The following CCDC178 variants were observed in gnomAD, a reference collection of about 807,000 sequenced individuals.
CCDC178 encodes the protein coiled-coil domain containing 178.
Under a neutral mutation model 117.4 loss-of-function variants are expected in CCDC178, and 126 were observed. The ratio of observed to expected loss-of-function variants is 1.07; its 90% confidence interval spans 0.93 to 1.24. The LOEUF is 1.24. CCDC178 is among the 50% of genes most tolerant of loss of function. The pLI is 0.00. For synonymous variants in CCDC178, 283 were observed against 313.4 expected (o/e 0.90, Z 1.02); for missense variants, 1,030 against 986.9 (o/e 1.04, Z -0.59).
Position 33,084,121 on chromosome 18 carries a change from G to A in CCDC178, c.2388+8640C>T, listed in dbSNP as rs560606591. On this transcript the variant is annotated intron_variant, in intron 21 of 22. Transcript: ENST00000383096. ...GTCCTTGTGATGCATTGAACTTTTT[G>A]TCATTGTTACAACATGTTCTTGTAG... Among the ~76,000 whole-genome samples, 21 of 149,216 alleles carry A rather than the reference G, an allele frequency of 1.4e-4. No homozygotes were observed. In the South Asian group the frequency reaches 4.4e-3, roughly 31 times the overall value.
At chr18:33,141,375 C>T (rs983072238) in intron 20 of CCDC178, among the ~76,000 whole-genome samples, 1 of 152,072 alleles carries the variant, frequency 6.6e-6, no homozygotes, top group Non-Finnish European at 1.5e-5. Flanking sequence ...TATCTCTGGC[C>T]TAGCCCCCAA....
chr18:33,388,298 T>G (rs1489885678), intron 5 of CCDC178, among the ~76,000 whole-genome samples: 1 of 152,104 alleles, frequency 6.6e-6, no homozygotes, highest in East Asian at 1.9e-4. Context: ...TGGAAGACAG[T>G]GTGGCAATTC....
At chr18:33,034,425 A>T (rs1267725926) in intron 21 of CCDC178, among the ~76,000 whole-genome samples, 1 of 152,032 alleles carries the variant, frequency 6.6e-6, no homozygotes. Context: ...CAAACTCCTC[A>T]TGGCAGCACA....
chr18:33,431,821 A>G (rs779159414), intron 2 of CCDC178, among the ~76,000 whole-genome samples: 23 of 152,224 alleles, frequency 1.5e-4, no homozygotes, highest in Admixed American at 9.8e-4. Flanking sequence ...TTATATCATA[A>G]CAAGACTTTG....
At chr18:33,223,821 C>A (rs2059268731) in intron 17 of CCDC178, among the ~76,000 whole-genome samples, 1 of 152,056 alleles carries the variant, frequency 6.6e-6, no homozygotes, top group Non-Finnish European at 1.5e-5. Flanking sequence ...TCATTTATCC[C>A]ACTAGATGTT....
intron 2 of CCDC178, among the ~76,000 whole-genome samples, chr18:33,433,538 T>G (rs1278998725): frequency 6.6e-6 from 1 of 152,086 alleles, no homozygotes; most frequent in Admixed American, 6.5e-5. Flanking sequence ...TTCCTCCACT[T>G]AACAATCTTT....
chr18:33,323,228 C>T (rs1331529304), intron 11 of CCDC178: 1 of 208,476 alleles, frequency 4.8e-6, no homozygotes, highest in Non-Finnish European at 9.3e-6. Context: ...TATAACATGT[C>T]CTCAGGCAAT....
intron 20 of CCDC178, among the ~76,000 whole-genome samples, chr18:33,136,941 G>A (rs1313603528): frequency 6.6e-6 from 1 of 152,166 alleles, no homozygotes; most frequent in Non-Finnish European, 1.5e-5. Flanking sequence ...CTTAGGGGTT[G>A]AGGCCATAGT....
At chr18:33,147,356 A>ATTTTTTTTTTTTTTTTTT (rs575608507) in intron 20 of CCDC178, among the ~76,000 whole-genome samples, 1 of 94,642 alleles carries the variant, frequency 1.1e-5, no homozygotes, top group African/African-American at 4.7e-5. Context: ...TGCCTTTTTA[A>ATTTTTTTTTTTTTTTTTT]TTTTTTTTTT....
intron 20 of CCDC178, among the ~76,000 whole-genome samples, chr18:33,153,740 T>G (rs1693343): frequency 0.1 from 15,274 of 152,062 alleles, 1,026 homozygotes; most frequent in African/African-American, 0.19. Context: ...GTAAATGTTC[T>G]TCAATAAAAT....
intron 2 of CCDC178, among the ~76,000 whole-genome samples, chr18:33,412,708 C>T (rs1328835494): frequency 2.0e-5 from 3 of 152,092 alleles, no homozygotes; most frequent in Non-Finnish European, 4.4e-5. Context: ...AATTTTTAAA[C>T]ATAGCCATAA....
intron 20 of CCDC178, among the ~76,000 whole-genome samples, chr18:33,127,569 G>C (rs1371527503): frequency 1.3e-5 from 2 of 152,014 alleles, no homozygotes; most frequent in Non-Finnish European, 2.9e-5. Flanking sequence ...CTGAGTAGCT[G>C]GGATCACAGG....
intron 21 of CCDC178, among the ~76,000 whole-genome samples, chr18:32,984,473 C>A (rs895940056): frequency 2.0e-5 from 3 of 150,098 alleles, no homozygotes; most frequent in Non-Finnish European, 3.0e-5. Flanking sequence ...AAACTTAAAA[C>A]CTTCTTAGTT....
At chr18:33,335,310 AT>A (rs1048695034) in intron 9 of CCDC178, among the ~76,000 whole-genome samples, 2 of 151,960 alleles carry the variant, frequency 1.3e-5, no homozygotes, top group Non-Finnish European at 2.9e-5. Flanking sequence ...ACTTTTAATG[AT>A]TTTTTAAATG....
At chr18:33,339,750 T>C (rs1234768588) in intron 9 of CCDC178, among the ~76,000 whole-genome samples, 1 of 152,118 alleles carries the variant, frequency 6.6e-6, no homozygotes, top group Non-Finnish European at 1.5e-5. Context: ...CAGGGGTTTC[T>C]GTTATTGCTT....
intron 12 of CCDC178, among the ~76,000 whole-genome samples, chr18:33,285,953 A>G (rs1002668017): frequency 6.7e-6 from 1 of 148,926 alleles, no homozygotes; most frequent in Non-Finnish European, 1.5e-5. Flanking sequence ...AAATCCTATT[A>G]TTTAAAAAAT....
chr18:33,148,251 G>A (rs963086882), intron 20 of CCDC178, among the ~76,000 whole-genome samples: 4 of 152,272 alleles, frequency 2.6e-5, no homozygotes, highest in East Asian at 1.9e-4. Context: ...GCCAAACCCC[G>A]TCTCCACCAA....
At chr18:33,259,992 T>C (rs908434291) in intron 14 of CCDC178, among the ~76,000 whole-genome samples, 1 of 152,056 alleles carries the variant, frequency 6.6e-6, no homozygotes, top group Non-Finnish European at 1.5e-5. Flanking sequence ...AATCAGAGTA[T>C]AGTTCAATGA....
At chr18:33,370,293 T>C in intron 5 of CCDC178, 104 bp from the exon 6 acceptor site, 1 of 595,744 alleles carries the variant, frequency 1.7e-6, no homozygotes, top group Middle Eastern at 2.8e-4. Context: ...CTAATACTCT[T>C]AGTTTCCTTA....
Sources: allele counts gnomAD v4.1 joint callset (sites outside exome capture counted in the v4.1 genomes callset), GRCh38; gene constraint gnomAD v4.1.1; transcripts MANE v1.5; gene names NCBI Gene and HGNC (gene_info 2026-07-23, HGNC 2026-07-21).